TTPAL: variants seen among roughly 807,000 people sequenced by gnomAD.
TTPAL encodes the protein alpha tocopherol transfer protein like.
In TTPAL, 21 loss-of-function variants were observed where a neutral mutation model predicts 28.7. The ratio of observed to expected loss-of-function variants is 0.73; its 90% confidence interval spans 0.52 to 1.06. The LOEUF is 1.06. Ranked by LOEUF, TTPAL falls within the 50% of genes least tolerant of loss-of-function variation. The pLI, the probability that TTPAL is intolerant of heterozygous loss-of-function variation, is 0.00. For synonymous variants in TTPAL, 169 were observed against 171.9 expected, an observed-to-expected ratio of 0.98 and a Z score of 0.13; for missense variants, 345 against 425.5, an observed-to-expected ratio of 0.81 and a Z score of 1.67.
At chr20:44,484,656 A>G in intron 3 of TTPAL, 126 bp downstream of exon 3, 1 of 666,248 alleles carries the variant, frequency 1.5e-6, no homozygotes, top group Non-Finnish European at 2.5e-6. Context: ...GAAAAACACA[A>G]AAGCATTATG....
chr20:44,478,044 A>AG (rs2064062282), intron 1 of TTPAL, among the ~76,000 whole-genome samples: 1 of 152,188 alleles, frequency 6.6e-6, no homozygotes, highest in African/African-American at 2.4e-5. Context: ...GCTTGAACTT[A>AG]GGAGTTCGAG....
intron 1 of TTPAL, among the ~76,000 whole-genome samples, chr20:44,478,036 T>C (rs1455777527): frequency 6.6e-6 from 1 of 152,216 alleles, no homozygotes; most frequent in Non-Finnish European, 1.5e-5. Flanking sequence ...GGAGGATTGC[T>C]TGAACTTAGG....
intron 3 of TTPAL, among the ~76,000 whole-genome samples, chr20:44,485,185 G>A (rs2064140735): frequency 6.6e-6 from 1 of 152,114 alleles, no homozygotes; most frequent in African/African-American, 2.4e-5. Context: ...CCTGCCCTCT[G>A]TGGACCTGAG....
intron 1 of TTPAL, among the ~76,000 whole-genome samples, chr20:44,479,066 G>A (rs1452808022): frequency 3.9e-5 from 6 of 152,214 alleles, no homozygotes. Flanking sequence ...TGGGATTACA[G>A]GCGTGAGCCA....
Position 44,479,410 on chromosome 20 carries a change from T to C in TTPAL, c.-15-575T>C, listed in dbSNP as rs978226440. 2.1e-3 allele frequency among the ~76,000 whole-genome samples: 240 copies of C among 116,308 alleles called. 1 individual carries two copies. Among genetic ancestry groups the C allele is most frequent in the East Asian group, 8.3e-3 (32 of 3,844 alleles). 76.3% of individuals were successfully genotyped at this position (116,308 alleles called of 152,430 possible). On this transcript the variant is annotated intron_variant, in intron 1 of 4. Coordinates refer to ENST00000262605, the MANE Select transcript of TTPAL (RefSeq NM_001039199.3). ...TCTGAATCTGAGTTGTTTTTTTTTT[T>C]TTTTTTTTTTTTTTTTTTGAGAGTC...
At chr20:44,488,911 AAAG>A (rs2064177393) in intron 4 of TTPAL, among the ~76,000 whole-genome samples, 4 of 152,180 alleles carry the variant, frequency 2.6e-5, no homozygotes, top group Admixed American at 2.6e-4. Flanking sequence ...GTTTCACTGA[AAAG>A]AACTTAGATT....
intron 3 of TTPAL, among the ~76,000 whole-genome samples, chr20:44,485,306 G>A (rs6031628): frequency 4.5e-4 from 68 of 152,214 alleles, no homozygotes; most frequent in African/African-American, 1.4e-3. Context: ...TATCTGCACC[G>A]TGTTTAACAG....
intron 2 of TTPAL, among the ~76,000 whole-genome samples, chr20:44,481,987 A>G (rs987495179): frequency 4.6e-5 from 7 of 152,188 alleles, no homozygotes; most frequent in African/African-American, 1.7e-4. Context: ...TTGCTTGTGT[A>G]GTTTCAACCC....
chr20:44,488,184 T>G (rs2064170240), intron 4 of TTPAL, among the ~76,000 whole-genome samples: 2 of 152,348 alleles, frequency 1.3e-5, no homozygotes, highest in South Asian at 4.1e-4. Flanking sequence ...ATTCATCAGC[T>G]CAGGGATCTG....
intron 4 of TTPAL, among the ~76,000 whole-genome samples, chr20:44,487,638 CCT>C (rs2064164642): frequency 1.3e-5 from 2 of 152,332 alleles, no homozygotes; most frequent in South Asian, 4.1e-4. Flanking sequence ...ACTTTGTCTT[CCT>C]TTCTGACCCA....
At chr20:44,477,921 T>G (rs968889939) in intron 1 of TTPAL, among the ~76,000 whole-genome samples, 2 of 152,128 alleles carry the variant, frequency 1.3e-5, no homozygotes, top group African/African-American at 4.8e-5. Context: ...TACCAAAGTG[T>G]TGGGATTACA....
At chr20:44,488,723 C>T (rs964440694) in intron 4 of TTPAL, among the ~76,000 whole-genome samples, 3 of 152,090 alleles carry the variant, frequency 2.0e-5, no homozygotes, top group Admixed American at 6.6e-5. Context: ...ACAACCCTGA[C>T]GTGGGAGCCT....
chr20:44,486,000 G>A (rs548474759), intron 3 of TTPAL: 1 of 152,320 alleles, frequency 6.6e-6, no homozygotes, highest in African/African-American at 2.4e-5. Context: ...CACTGATCTG[G>A]AAGGTCTGGT....
At position 44,480,741 on chromosome 20, in the gene TTPAL, C is replaced by T. The variant is rs1568768644; in HGVS notation, c.445+297C>T. Among the ~76,000 whole-genome samples, 2 of 152,220 alleles carry T rather than the reference C, an allele frequency of 1.3e-5. No homozygotes were observed. The highest frequency in any genetic ancestry group is 2.9e-5 in the Non-Finnish European group (2 of 68,040). On this transcript the variant is annotated intron_variant, in intron 2 of 4. Coordinates refer to ENST00000262605, the MANE Select transcript of TTPAL (RefSeq NM_001039199.3). The surrounding 1 kb of genome is among the most constrained non-coding windows in gnomAD (Gnocchi z 4.1). The stretch of plus-strand genomic sequence containing the variant: ...GAGCCAAGACAGCCGTTCTCCCTGT[C>T]TCTGCCTGACGGTCTGTGTATCCTT...
intron 2 of TTPAL, among the ~76,000 whole-genome samples, chr20:44,481,706 C>T (rs1276619577): frequency 1.3e-5 from 2 of 152,170 alleles, no homozygotes; most frequent in Non-Finnish European, 2.9e-5. Context: ...CACTTTCCTC[C>T]GCCTTTACTC....
In TTPAL at chr20:44,489,500, T is replaced by G; in HGVS notation, c.988T>G (p.Ser330Ala). 2 of 1,614,202 alleles carry G rather than the reference T, an allele frequency of 1.2e-6. No homozygotes were observed. The highest frequency in any genetic ancestry group is 1.7e-6 in the Non-Finnish European group (2 of 1,180,036). Residue 330 changes from serine to alanine, a missense_variant, in exon 5 of 5, where the codon TCC becomes GCC. Transcript: ENST00000262605. ...GACCTCAGATGCACAGTGTGACGAC[T>G]CCTTGCGAGCTGTGAAGTCACAGCT... ...GLTSDAQCDD[S>A]LRAVKSQLYS...
intron 4 of TTPAL, 104 bp downstream of exon 4, chr20:44,486,810 G>A (rs1407482977): frequency 3.1e-6 from 2 of 650,844 alleles, no homozygotes; most frequent in African/African-American, 3.7e-5. Context: ...AACTAATTTG[G>A]AAAAGTACAG....
rs2064037511 is a variant in TTPAL at position 44,475,940 on chromosome 20, C to G, written c.-67C>G. The G allele has an allele frequency of 6.6e-6, 1 of 152,378 alleles. No individual in the cohort carries two copies. The highest frequency in any genetic ancestry group is 2.4e-5 in the African/African-American group (1 of 41,586). 9.4% of individuals were successfully genotyped at this position (152,378 alleles called of 1,614,324 possible). On this transcript the variant is annotated 5_prime_UTR_variant, in exon 1 of 5. Transcript: ENST00000262605. Reference sequence around the variant, plus strand: ...TGCGGGTCGGTTCTGCGTGCGCTGCCGGACGAGGCTCCCGCCGCCGATTGA... The same window carrying G: ...TGCGGGTCGGTTCTGCGTGCGCTGCGGGACGAGGCTCCCGCCGCCGATTGA...
In TTPAL at chr20:44,490,258, A is replaced by G. The variant is rs894107747; in HGVS notation, c.*717A>G. 1.3e-5 allele frequency: 2 copies of G among 152,362 alleles called. No individual in the cohort carries two copies. Among genetic ancestry groups the G allele is most frequent in the Non-Finnish European group, 2.9e-5 (2 of 68,042 alleles). The allele number at this position is 152,362 out of a possible 1,614,324, so 9.4% of individuals were successfully genotyped here. A position where few individuals can be genotyped will look rare whatever the true frequency, so the allele number is the denominator to read the frequency against. On this transcript the variant is annotated 3_prime_UTR_variant, in exon 5 of 5. Transcript: ENST00000262605. The stretch of plus-strand genomic sequence containing the variant: ...AGCCTTAGCCCTGGTTCTCAATAGA[A>G]TCAGGGACCTAGCAGGAAATGATTT...
Sources: allele counts gnomAD v4.1 joint callset (sites outside exome capture counted in the v4.1 genomes callset), GRCh38; gene constraint gnomAD v4.1.1; non-coding constraint Gnocchi (gnomAD v3.1); transcripts MANE v1.5; gene names NCBI Gene and HGNC (gene_info 2026-07-23, HGNC 2026-07-21).